Variants in GKAP1 observed in about 807,000 individuals in gnomAD.
GKAP1 encodes G kinase-anchoring protein 1.
Under a neutral mutation model 56.7 loss-of-function variants are expected in GKAP1, and 31 were observed. That is an observed-to-expected ratio of 0.55 (90% CI 0.41 to 0.74). The LOEUF (loss-of-function observed/expected upper bound fraction) is 0.74, where lower values mean the gene tolerates loss of function less well. Ranked by LOEUF, GKAP1 falls within the 30% of genes least tolerant of loss-of-function variation. GKAP1 has a pLI of 0.00. For missense variants in GKAP1, 364 were observed against 402.3 expected (o/e 0.90, Z 0.82); for synonymous variants, 151 against 138.6 (o/e 1.09, Z -0.63).
intron 4 of GKAP1, among the ~76,000 whole-genome samples, chr9:83,795,590 T>TTTTC (rs1267463034): frequency 7.5e-6 from 1 of 133,130 alleles, no homozygotes; most frequent in Non-Finnish European, 1.7e-5. Context: ...GAGAGTGTCT[T>TTTTC]TTTTTTTTTT....
At chr9:83,759,951 C>T (rs1341103109) in intron 8 of GKAP1, among the ~76,000 whole-genome samples, 1 of 152,176 alleles carries the variant, frequency 6.6e-6, no homozygotes, top group African/African-American at 2.4e-5. Context: ...TCCAACTTAA[C>T]TTTTCAAATT....
chr9:83,755,056 C>T (rs1943451370), intron 8 of GKAP1, among the ~76,000 whole-genome samples: 1 of 152,116 alleles, frequency 6.6e-6, no homozygotes, highest in Non-Finnish European at 1.5e-5. Flanking sequence ...AAGATGAACA[C>T]TACAATCTAA....
At chr9:83,811,903 A>AT (rs1039612847) in intron 2 of GKAP1, among the ~76,000 whole-genome samples, 1 of 152,178 alleles carries the variant, frequency 6.6e-6, no homozygotes, top group African/African-American at 2.4e-5. Flanking sequence ...AATAGCCAAC[A>AT]TATCAACACA....
At chr9:83,762,985 C>T (rs1461644608) in intron 8 of GKAP1, among the ~76,000 whole-genome samples, 1 of 152,224 alleles carries the variant, frequency 6.6e-6, no homozygotes, top group Non-Finnish European at 1.5e-5. Context: ...GCTATCTGCA[C>T]TCCCATGTTT....
At chr9:83,748,209 C>G (rs947300127) in intron 10 of GKAP1, 100 bp downstream of exon 10, 2 of 725,468 alleles carry the variant, frequency 2.8e-6, no homozygotes. Flanking sequence ...ATTGTGCTAT[C>G]AAACACTTTT....
intron 2 of GKAP1, among the ~76,000 whole-genome samples, chr9:83,812,297 A>ATATATG (rs1467365214): frequency 6.7e-6 from 1 of 148,338 alleles, no homozygotes; most frequent in Non-Finnish European, 1.5e-5. Flanking sequence ...ATACGTATAT[A>ATATATG]TATACGTATA....
chr9:83,804,392 A>G (rs1207933648), intron 3 of GKAP1, among the ~76,000 whole-genome samples: 1 of 83,472 alleles, frequency 1.2e-5, no homozygotes, highest in African/African-American at 4.8e-5. Flanking sequence ...TCCGGGAGGG[A>G]GGTGGGGGGG....
intron 10 of GKAP1, among the ~76,000 whole-genome samples, chr9:83,747,871 A>G (rs769677299): frequency 6.6e-5 from 10 of 152,136 alleles, no homozygotes; most frequent in South Asian, 2.1e-4. Flanking sequence ...TCCTGGCCTC[A>G]AGTGATCTGC....
chr9:83,816,031 CAAAAA>C (rs72114457), intron 2 of GKAP1, among the ~76,000 whole-genome samples: 68 of 91,422 alleles, frequency 7.4e-4, no homozygotes, highest in South Asian at 1.8e-3. Context: ...ATTAAAAATA[CAAAAA>C]AAAAAAAAAA....
intron 4 of GKAP1, among the ~76,000 whole-genome samples, chr9:83,789,795 A>C (rs916442243): frequency 3.9e-5 from 6 of 152,168 alleles, no homozygotes; most frequent in African/African-American, 1.4e-4. Flanking sequence ...ATCTGATGAT[A>C]ACCCTCGAAA....
At chr9:83,813,726 G>C (rs1233158082) in intron 2 of GKAP1, among the ~76,000 whole-genome samples, 1 of 152,248 alleles carries the variant, frequency 6.6e-6, no homozygotes, top group Non-Finnish European at 1.5e-5. Context: ...TATGCAGGCA[G>C]TTCACCATAA....
intron 6 of GKAP1, among the ~76,000 whole-genome samples, chr9:83,781,831 T>C (rs1182345435): frequency 6.7e-6 from 1 of 148,584 alleles, no homozygotes; most frequent in Non-Finnish European, 1.5e-5. Flanking sequence ...TAGTTTTTAA[T>C]AAAATGTATT....
At chr9:83,805,479 T>TAA (rs1206558059) in intron 3 of GKAP1, among the ~76,000 whole-genome samples, 1 of 145,204 alleles carries the variant, frequency 6.9e-6, no homozygotes, top group Non-Finnish European at 1.5e-5. Context: ...AAATAAAAAA[T>TAA]AAAAAAAAAA....
intron 2 of GKAP1, among the ~76,000 whole-genome samples, chr9:83,813,986 G>A (rs146417087): frequency 0.012 from 1,890 of 152,254 alleles, 33 homozygotes; most frequent in African/African-American, 0.044. Flanking sequence ...TGTGGTCCCA[G>A]CTACTTGGGA....
At chr9:83,777,930 A>G (rs1381871970) in intron 7 of GKAP1, among the ~76,000 whole-genome samples, 1 of 152,216 alleles carries the variant, frequency 6.6e-6, no homozygotes. Flanking sequence ...ACATTTAAAT[A>G]TTTAAGTCCC....
chr9:83,801,804 C>A (rs1037431912), intron 3 of GKAP1, among the ~76,000 whole-genome samples: 1 of 152,112 alleles, frequency 6.6e-6, no homozygotes, highest in Non-Finnish European at 1.5e-5. Context: ...AAATAGTGGG[C>A]AATCAAAAGT....
At chr9:83,778,530 C>G (rs1943899575) in intron 7 of GKAP1, among the ~76,000 whole-genome samples, 1 of 151,818 alleles carries the variant, frequency 6.6e-6, no homozygotes, top group Admixed American at 6.6e-5. Flanking sequence ...ACAAGACACA[C>G]TGGGGCTTAC....
At chr9:83,801,158 A>T (rs1173854791) in intron 3 of GKAP1, among the ~76,000 whole-genome samples, 1 of 152,206 alleles carries the variant, frequency 6.6e-6, no homozygotes, top group Non-Finnish European at 1.5e-5. Context: ...AGAGGTGAAG[A>T]CACAGATACA....
chr9:83,742,163 A>G, intron 11 of GKAP1, 134 bp from the exon 12 acceptor site: 1 of 666,134 alleles, frequency 1.5e-6, no homozygotes. Flanking sequence ...CATAATTTCC[A>G]TTTGGTATTG....
Sources: gnomAD v4.1 joint callset for allele counts (sites outside exome capture counted in the v4.1 genomes callset) on GRCh38, gnomAD v4.1.1 for gene constraint, MANE v1.5 for transcripts, NCBI Gene and HGNC (gene_info 2026-07-23, HGNC 2026-07-21) for gene names.